Variants in SPEF2 observed in about 807,000 individuals in gnomAD.
The protein encoded by SPEF2 is sperm flagellar and cilia associated 2, also known as sperm flagella and cilia-associated protein 2.
SPEF2 carries 187 observed loss-of-function variants against 224.6 expected under a neutral mutation model. That is an observed-to-expected ratio of 0.83 (90% CI 0.74 to 0.94). The LOEUF (loss-of-function observed/expected upper bound fraction) is 0.94, where lower values mean the gene tolerates loss of function less well. Ranked by LOEUF, SPEF2 falls within the 40% of genes least tolerant of loss-of-function variation. The pLI is 0.00. For synonymous variants in SPEF2, 715 were observed against 707.3 expected (o/e 1.01, Z -0.17); for missense variants, 2,170 against 2,135.6 (o/e 1.02, Z -0.32).
intron 21 of SPEF2, 113 bp downstream of exon 21, chr5:35,727,936 C>A (rs569150150): frequency 1.8e-6 from 2 of 1,135,722 alleles, no homozygotes; most frequent in Admixed American, 2.9e-5. Context: ...TAATATATAT[C>A]TATCCATCTG....
chr5:35,763,487 A>AT, intron 25 of SPEF2, 35 bp from the exon 26 acceptor site: 1 of 1,505,924 alleles, frequency 6.6e-7, no homozygotes, highest in Non-Finnish European at 8.9e-7. Flanking sequence ...GTTAAGCAAA[A>AT]TTTTTTATCC....
At chr5:35,732,994 A>G (rs4266432) in intron 21 of SPEF2, among the ~76,000 whole-genome samples, 5 of 152,082 alleles carry the variant, frequency 3.3e-5, no homozygotes, top group East Asian at 1.9e-4. Context: ...AACATTGTAC[A>G]TATAGGGTTT....
intron 30 of SPEF2, among the ~76,000 whole-genome samples, chr5:35,784,392 T>C (rs1163094371): frequency 6.6e-6 from 1 of 152,134 alleles, no homozygotes; most frequent in African/African-American, 2.4e-5. Flanking sequence ...CCTCCCAAAG[T>C]GCTGGGATTA....
chr5:35,691,609 G>A (rs1322573639), intron 11 of SPEF2, among the ~76,000 whole-genome samples: 4 of 152,162 alleles, frequency 2.6e-5, no homozygotes, highest in African/African-American at 9.7e-5. Context: ...GTAGGGGAAT[G>A]AGGAGTGACA....
chr5:35,795,735 A>G lies in SPEF2; in HGVS notation c.4770A>G (p.Ile1590Met), dbSNP rs759603426. The G allele has an allele frequency of 7.4e-6, 12 of 1,614,026 alleles. No individual in the cohort carries two copies. The South Asian group carries it at 1.2e-4, about 16-fold the overall frequency. The change falls in exon 33 of 37, where the codon ATA (isoleucine) becomes ATG (methionine). Residue 1590 changes from isoleucine (I) to methionine (M), a missense_variant. Ile to Met is a conservative substitution (Grantham distance 10). Coordinates refer to ENST00000356031, the MANE Select transcript of SPEF2 (RefSeq NM_024867.4). The stretch of plus-strand genomic sequence containing the variant: ...TGTGGTTTACAGGAGATGAAGATAT[A>G]AAAATTCCAGAAAATCCTCTTGAAC... ...AGLWFTGDED[I>M]KIPENPLEPL...
At chr5:35,715,623 T>A (rs1742396626) in intron 20 of SPEF2, among the ~76,000 whole-genome samples, 2 of 152,030 alleles carry the variant, frequency 1.3e-5, no homozygotes, top group Non-Finnish European at 2.9e-5. Context: ...GTGTTTTGGC[T>A]GACTAGAAGT....
chr5:35,640,951 G>T (rs1746550584), intron 2 of SPEF2, among the ~76,000 whole-genome samples: 1 of 152,064 alleles, frequency 6.6e-6, no homozygotes, highest in Non-Finnish European at 1.5e-5. Context: ...GACTGTAAGA[G>T]GCTCAAAAAC....
intron 30 of SPEF2, among the ~76,000 whole-genome samples, chr5:35,783,727 AC>A (rs1754671294): frequency 6.6e-6 from 1 of 152,204 alleles, no homozygotes; most frequent in African/African-American, 2.4e-5. Context: ...AGCATTCCAA[AC>A]AAAAGCATTC....
chr5:35,807,119 T>C lies in SPEF2; in HGVS notation c.5257-12T>C. On this transcript the variant is annotated splice_polypyrimidine_tract_variant and intron_variant, in intron 35 of 36. Coordinates refer to ENST00000356031, the MANE Select transcript of SPEF2 (RefSeq NM_024867.4). ...TGAGGTTGATTAACTTCATTTTTTT[T>C]CTTCCTTAAAGGGCTTCATAAAAAC... is the stretch of plus-strand genomic sequence containing the variant. The C allele has an allele frequency of 6.3e-7, 1 of 1,598,164 alleles. No individual in the cohort carries two copies. Among genetic ancestry groups the C allele is most frequent in the South Asian group, 1.1e-5 (1 of 87,154 alleles).
At chr5:35,627,017 A>G (rs932954801) in intron 1 of SPEF2, among the ~76,000 whole-genome samples, 16 of 151,940 alleles carry the variant, frequency 1.1e-4, no homozygotes, top group Non-Finnish European at 1.8e-4. Context: ...ATCTGGCAAA[A>G]CTGAATTTGT....
rs561114432 is a variant in SPEF2 at position 35,753,769 on chromosome 5, C to T, written c.3468+8C>T. The T allele has an allele frequency of 1.4e-5, 22 of 1,613,960 alleles. No individual in the cohort carries two copies. In the South Asian group the frequency reaches 1.6e-4, roughly 12 times the overall value. ...TTCTTTTCCCTGATGCAGGTAAGAGCAGCTGGTCACAATAACCCAGGCACT... is the reference window on the plus strand; with the variant it reads ...TTCTTTTCCCTGATGCAGGTAAGAGTAGCTGGTCACAATAACCCAGGCACT... On this transcript the variant is annotated splice_region_variant and intron_variant, in intron 24 of 36. Transcript: ENST00000356031.
At position 35,691,343 on chromosome 5, in the gene SPEF2, C is replaced by T. The variant is rs1299026431; in HGVS notation, c.1744+87C>T. The T allele has an allele frequency of 4.9e-6, 5 of 1,022,638 alleles. No individual in the cohort carries two copies. In the Middle Eastern group the frequency reaches 7.8e-4, roughly 159 times the overall value. 63.3% of individuals were successfully genotyped at this position (1,022,638 alleles called of 1,614,324 possible). On this transcript the variant is annotated intron_variant, in intron 11 of 36. Coordinates refer to ENST00000356031, the MANE Select transcript of SPEF2 (RefSeq NM_024867.4). Reference sequence around the variant, plus strand: ...AATGTCTATGTGTATAAAAAACATACAAGAAGCACTGCTGATATGTTGGGA... The same window carrying T: ...AATGTCTATGTGTATAAAAAACATATAAGAAGCACTGCTGATATGTTGGGA...
At chr5:35,643,133 A>G (rs1746835965) in intron 3 of SPEF2, among the ~76,000 whole-genome samples, 1 of 152,250 alleles carries the variant, frequency 6.6e-6, no homozygotes, top group Non-Finnish European at 1.5e-5. Flanking sequence ...AGCAGTCAAC[A>G]GTGGCAAGTG....
chr5:35,765,804 T>C (rs189988685), intron 26 of SPEF2, among the ~76,000 whole-genome samples: 1 of 152,292 alleles, frequency 6.6e-6, no homozygotes, highest in East Asian at 1.9e-4. Flanking sequence ...ATTTATCAGA[T>C]TATGAGCATT....
intron 1 of SPEF2, among the ~76,000 whole-genome samples, chr5:35,619,638 C>A (rs1205796964): frequency 6.6e-6 from 1 of 152,274 alleles, no homozygotes; most frequent in South Asian, 2.1e-4. Flanking sequence ...GATCGCGCCA[C>A]TGCACTCCAG....
At chr5:35,678,453 C>T (rs1752323592) in intron 10 of SPEF2, 3 of 152,348 alleles carry the variant, frequency 2.0e-5, no homozygotes, top group South Asian at 4.1e-4. Flanking sequence ...ATGTGACCTT[C>T]TCTCTAGAGG....
intron 34 of SPEF2, among the ~76,000 whole-genome samples, chr5:35,804,175 C>A (rs903806121): frequency 3.9e-5 from 6 of 152,176 alleles, no homozygotes; most frequent in African/African-American, 9.7e-5. Context: ...CAAGACCAGA[C>A]CTCTGTGCTG....
intron 21 of SPEF2, among the ~76,000 whole-genome samples, chr5:35,734,804 C>T (rs1457456619): frequency 2.0e-5 from 3 of 149,794 alleles, no homozygotes; most frequent in South Asian, 2.1e-4. Context: ...CTCCGCCTCC[C>T]GGGTTCAAGC....
intron 36 of SPEF2, among the ~76,000 whole-genome samples, chr5:35,809,808 G>A (rs930747166): frequency 6.6e-5 from 10 of 152,164 alleles, no homozygotes; most frequent in South Asian, 2.1e-4. Flanking sequence ...CCTGCACAAC[G>A]TGGATTCCAT....
Sources: allele counts gnomAD v4.1 joint callset (sites outside exome capture counted in the v4.1 genomes callset), GRCh38; gene constraint gnomAD v4.1.1; transcripts MANE v1.5; gene names NCBI Gene and HGNC (gene_info 2026-07-23, HGNC 2026-07-21).